The following GAD1 variants were observed in gnomAD, a reference collection of about 807,000 sequenced individuals.
The protein encoded by GAD1 is glutamate decarboxylase 1.
Under a neutral mutation model 75.2 loss-of-function variants are expected in GAD1, and 35 were observed. That is an observed-to-expected ratio of 0.47 (90% confidence interval 0.36 to 0.62). The LOEUF is 0.62. Among genes scored for constraint, GAD1 ranks in the 20% least tolerant of loss-of-function variants. The pLI, the probability that GAD1 is intolerant of heterozygous loss-of-function variation, is 0.00. For missense variants in GAD1, 490 were observed against 758.5 expected, an observed-to-expected ratio of 0.65 and a Z score of 4.16; for synonymous variants, 257 against 271.9, an observed-to-expected ratio of 0.95 and a Z score of 0.54.
At chr2:170,829,660 T>C (rs1328950418) in intron 4 of GAD1, 27 bp downstream of exon 4, 3 of 1,595,678 alleles carry the variant, frequency 1.9e-6, no homozygotes, top group Non-Finnish European at 2.6e-6. Flanking sequence ...TCCCGCCCCA[T>C]GCTAGCCAGT....
At chr2:170,834,461 C>A (rs1004492231) in intron 5 of GAD1, among the ~76,000 whole-genome samples, 13 of 151,790 alleles carry the variant, frequency 8.6e-5, no homozygotes, top group Non-Finnish European at 1.5e-5. Context: ...TAAAAGACTT[C>A]TTTTAAAAAA....
At chr2:170,848,971 G>A (rs571913103) in intron 11 of GAD1, 2 of 447,984 alleles carry the variant, frequency 4.5e-6, no homozygotes, top group East Asian at 4.9e-5. Flanking sequence ...GACTCACTGT[G>A]TTGGCTTTCC....
chr2:170,813,601 C>T (rs1364315316), upstream of GAD1, among the ~76,000 whole-genome samples: 1 of 152,194 alleles, frequency 6.6e-6, no homozygotes, highest in Non-Finnish European at 1.5e-5. Flanking sequence ...TGACTGACCA[C>T]GTTTTAGGCG....
chr2:170,829,407 C>T, intron 3 of GAD1, 68 bp from the exon 4 acceptor site: 1 of 1,547,996 alleles, frequency 6.5e-7, no homozygotes, highest in African/African-American at 1.4e-5. Context: ...AGTTGATTCA[C>T]TCTGCAGCTG....
At chr2:170,833,590 G>C (rs1031116439) in intron 5 of GAD1, among the ~76,000 whole-genome samples, 2 of 152,220 alleles carry the variant, frequency 1.3e-5, no homozygotes, top group African/African-American at 2.4e-5. Flanking sequence ...CTTTCTCAGA[G>C]AGATGAGAAC....
intron 11 of GAD1, chr2:170,848,932 T>G: frequency 2.4e-6 from 1 of 420,758 alleles, no homozygotes; most frequent in Non-Finnish European, 4.6e-6. Context: ...CTCAGTTTTT[T>G]GAGCAGCTTC....
At chr2:170,831,317 G>A (rs887522079) in intron 5 of GAD1, 125 bp downstream of exon 5, 2 of 1,101,618 alleles carry the variant, frequency 1.8e-6, no homozygotes, top group Non-Finnish European at 2.8e-6. Context: ...AGGCGGCAAA[G>A]TACCCAGTGA....
In GAD1 at chr2:170,858,884, G is replaced by A; in HGVS notation, c.1602G>A (p.Lys534=). 2 of 1,614,114 alleles carry A rather than the reference G, an allele frequency of 1.2e-6. No individual in the cohort carries two copies. The highest frequency in any genetic ancestry group is 1.3e-5 in the African/African-American group (1 of 75,042). Residue 534 remains lysine, a synonymous_variant, in exon 16 of 17, where the codon AAG becomes AAA. Coordinates refer to ENST00000358196, the MANE Select transcript of GAD1 (RefSeq NM_000817.3). The part of the protein sequence containing the change: ...GVPDSPQRRE[K]LHKVAPKIKA... Reference sequence around the variant, plus strand: ...CAGACAGCCCTCAACGACGGGAAAAGCTACACAAGGTATGGACTTGCTTTT... The same window carrying A: ...CAGACAGCCCTCAACGACGGGAAAAACTACACAAGGTATGGACTTGCTTTT...
At chr2:170,824,910 G>A (rs976891610) in intron 3 of GAD1, among the ~76,000 whole-genome samples, 2 of 149,012 alleles carry the variant, frequency 1.3e-5, no homozygotes, top group Non-Finnish European at 3.0e-5. Context: ...CCCCTGAGCT[G>A]TTTTATTTAG....
At chr2:170,822,387 G>C (rs1191789576) in intron 3 of GAD1, among the ~76,000 whole-genome samples, 5 of 152,132 alleles carry the variant, frequency 3.3e-5, no homozygotes, top group African/African-American at 4.8e-5. Flanking sequence ...CCAACACCCA[G>C]TGGAGCGAAC....
rs754605789 is a variant in GAD1, at chr2:170,818,667, C to T, written c.76C>T (p.Pro26Ser). Residue 26 changes from proline (P) to serine (S), a missense_variant, in exon 2 of 17, where the codon CCC (proline) becomes TCC (serine). Physicochemically the swap from Pro to Ser is moderately conservative, Grantham distance 74. Coordinates refer to ENST00000358196, the MANE Select transcript of GAD1 (RefSeq NM_000817.3). This position sits in a 1 kb window ranked among gnomAD's most constrained non-coding sequence, Gnocchi z 5.9. ...GADPNTTNLRPTTYDTWCGVA... is the reference protein window; with the variant it reads ...GADPNTTNLRSTTYDTWCGVA... ...GGACCCCAATACCACTAACCTGCGCCCCACAAGTAGGTCCCGCCCCAATTT... is the reference window on the plus strand; with the variant it reads ...GGACCCCAATACCACTAACCTGCGCTCCACAAGTAGGTCCCGCCCCAATTT... 10 of 1,614,098 alleles carry T rather than the reference C, an allele frequency of 6.2e-6. No individual in the cohort carries two copies. The highest frequency in any genetic ancestry group is 6.8e-6 in the Non-Finnish European group (8 of 1,179,958).
chr2:170,818,932 G>A lies in GAD1; in HGVS notation c.82+259G>A, dbSNP rs897748502. ...GTTGAGGGCTTCGCGGAGGAGGAGGGGCGCGCAGCCAGGGTGTTGTTTTTA... is the reference window on the plus strand; with the variant it reads ...GTTGAGGGCTTCGCGGAGGAGGAGGAGCGCGCAGCCAGGGTGTTGTTTTTA... On this transcript the variant is annotated intron_variant, in intron 2 of 16. Coordinates refer to ENST00000358196, the MANE Select transcript of GAD1 (RefSeq NM_000817.3). This position sits in a 1 kb window ranked among gnomAD's most constrained non-coding sequence, Gnocchi z 5.9. Among the ~76,000 whole-genome samples, 4 of 152,144 alleles carry A rather than the reference G, an allele frequency of 2.6e-5. No homozygotes were observed. Among genetic ancestry groups the A allele is most frequent in the African/African-American group, 9.7e-5 (4 of 41,444 alleles).
Position 170,847,399 on chromosome 2 carries a change from C to T in GAD1, c.1003-277C>T, listed in dbSNP as rs572035858. Among the ~76,000 whole-genome samples, 20 of 152,108 alleles carry T rather than the reference C, an allele frequency of 1.3e-4. No individual in the cohort carries two copies. In the South Asian group the frequency reaches 2.5e-3, roughly 19 times the overall value. The stretch of plus-strand genomic sequence containing the variant: ...TCACCTGCCACTAAAATGTAAACTC[C>T]GCAATGACAGAATTCTTTATCTGTT... On this transcript the variant is annotated intron_variant, in intron 10 of 16. Transcript: ENST00000358196.
chr2:170,824,065 C>T (rs1476693585), intron 3 of GAD1, among the ~76,000 whole-genome samples: 1 of 152,206 alleles, frequency 6.6e-6, no homozygotes, highest in Non-Finnish European at 1.5e-5. Flanking sequence ...TTGGCCTCCA[C>T]TCCCCCTCCC....
At chr2:170,841,692 C>T (rs538835228) in intron 6 of GAD1, among the ~76,000 whole-genome samples, 6 of 152,300 alleles carry the variant, frequency 3.9e-5, no homozygotes, top group African/African-American at 1.4e-4. Context: ...TGAAGAACAC[C>T]ATGTCAGCCC....
Position 170,834,831 on chromosome 2 carries a change from C to T in GAD1, c.548-1962C>T, listed in dbSNP as rs575224087. 5.4e-5 allele frequency among the ~76,000 whole-genome samples: 8 copies of T among 147,258 alleles called. No individual in the cohort carries two copies. In the South Asian group the frequency reaches 6.4e-4, roughly 12 times the overall value. ...CCCAAGCTGGAGTGGAGTGCAGTGG[C>T]GTGATCTCGGCTCACTGCAACCTCC... On this transcript the variant is annotated intron_variant, in intron 5 of 16. Coordinates refer to ENST00000358196, the MANE Select transcript of GAD1 (RefSeq NM_000817.3).
At chr2:170,850,412 G>A (rs1461598008) in intron 12 of GAD1, among the ~76,000 whole-genome samples, 1 of 152,188 alleles carries the variant, frequency 6.6e-6, no homozygotes, top group East Asian at 1.9e-4. Context: ...AGGATATGAG[G>A]AACAGTATTC....
Position 170,857,129 on chromosome 2 carries a change from G to C in GAD1, c.1521+4G>C, listed in dbSNP as rs1702868968. On this transcript the variant is annotated splice_donor_region_variant and intron_variant, in intron 15 of 16. Coordinates refer to ENST00000358196, the MANE Select transcript of GAD1 (RefSeq NM_000817.3). ...TGAGATGGTTTTCAATGGCGAGGTA[G>C]GTAATCATCATGGACCAGGTACACA... The C allele has an allele frequency of 6.2e-7, 1 of 1,607,894 alleles. No homozygotes were observed. The highest frequency in any genetic ancestry group is 8.5e-7 in the Non-Finnish European group (1 of 1,174,660).
At chr2:170,852,991 T>A (rs1274242336) in intron 13 of GAD1, 199 bp downstream of exon 13, 1 of 651,772 alleles carries the variant, frequency 1.5e-6, no homozygotes. Flanking sequence ...CTACTGTGCT[T>A]CTTCTTTGAT....
Sources: allele counts gnomAD v4.1 joint callset (sites outside exome capture counted in the v4.1 genomes callset), GRCh38; gene constraint gnomAD v4.1.1; non-coding constraint Gnocchi (gnomAD v3.1); transcripts MANE v1.5; gene names NCBI Gene and HGNC (gene_info 2026-07-23, HGNC 2026-07-21).